MARCHF1: variants seen among roughly 807,000 people sequenced by gnomAD.
MARCHF1 encodes the protein E3 ubiquitin-protein ligase MARCHF1.
A neutral mutation model predicts 54.2 loss-of-function variants in MARCHF1; 40 were observed. The ratio of observed to expected loss-of-function variants is 0.74; its 90% CI spans 0.57 to 0.96. MARCHF1 has a LOEUF of 0.96. MARCHF1 is among the 40% of genes least tolerant of loss of function. The probability of loss-of-function intolerance (pLI) is 0.00; values close to 1 mark genes in which losing one functional copy is unlikely to be tolerated. For missense variants in MARCHF1, 586 were observed against 656.5 expected (o/e 0.89, Z 1.17); for synonymous variants, 236 against 236.3 (o/e 1.00, Z 0.01).
At chr4:163,597,880 A>AGTTGTAACACAACGATAAG (rs1740827137) in intron 7 of MARCHF1, among the ~76,000 whole-genome samples, 1 of 152,168 alleles carries the variant, frequency 6.6e-6, no homozygotes, top group Non-Finnish European at 1.5e-5. Context: ...ACTGTCCTTC[A>AGTTGTAACACAACGATAAG]TATTTTTACA....
intron 5 of MARCHF1, among the ~76,000 whole-genome samples, chr4:163,690,812 A>C (rs575202141): frequency 3.3e-5 from 5 of 152,338 alleles, no homozygotes; most frequent in Non-Finnish European, 7.3e-5. Flanking sequence ...GGCTCCTATC[A>C]TAAGAAGCTC....
chr4:164,247,535 C>T (rs1220607522), intron 1 of MARCHF1, among the ~76,000 whole-genome samples: 8 of 149,306 alleles, frequency 5.4e-5, no homozygotes, highest in Non-Finnish European at 1.0e-4. Flanking sequence ...TGCAGTGCAC[C>T]AGCATGGCAC....
intron 4 of MARCHF1, among the ~76,000 whole-genome samples, chr4:163,851,137 G>A (rs1444325856): frequency 2.0e-5 from 3 of 151,338 alleles, no homozygotes; most frequent in Non-Finnish European, 2.9e-5. Flanking sequence ...TCCCCAAACA[G>A]GAAAAAAAAA....
At chr4:164,014,643 G>A (rs1239584172) in intron 2 of MARCHF1, among the ~76,000 whole-genome samples, 1 of 151,988 alleles carries the variant, frequency 6.6e-6, no homozygotes, top group Non-Finnish European at 1.5e-5. Flanking sequence ...ATGCTTACAA[G>A]AAACTCACTT....
At chr4:164,333,902 TA>T in intron 1 of MARCHF1, among the ~76,000 whole-genome samples, 1 of 152,238 alleles carries the variant, frequency 6.6e-6, no homozygotes, top group South Asian at 2.1e-4. Flanking sequence ...GATAAGAAGG[TA>T]AAACAGTCTT....
chr4:163,827,797 T>C (rs531785264), intron 4 of MARCHF1, among the ~76,000 whole-genome samples: 1 of 152,282 alleles, frequency 6.6e-6, no homozygotes, highest in African/African-American at 2.4e-5. Flanking sequence ...TGAAGTTGAA[T>C]GGACCATGCA....
intron 4 of MARCHF1, among the ~76,000 whole-genome samples, chr4:163,800,788 A>C (rs13127487): frequency 0.98 from 148,669 of 152,134 alleles, 72,704 homozygotes; most frequent in Non-Finnish European, 1. Flanking sequence ...CAAGAGGAAA[A>C]TGCAAACCTT....
At chr4:164,095,141 G>T (rs2111141600) in intron 2 of MARCHF1, among the ~76,000 whole-genome samples, 1 of 152,158 alleles carries the variant, frequency 6.6e-6, no homozygotes, top group South Asian at 2.1e-4. Context: ...ACAGAAGTAT[G>T]AGAGGTCTCC....
chr4:164,382,272 C>T (rs146360025), intron 1 of MARCHF1, among the ~76,000 whole-genome samples: 1,567 of 152,170 alleles, frequency 0.01, 22 homozygotes, highest in African/African-American at 0.036. Context: ...AAAATTATTT[C>T]AATCCTGTTT....
At chr4:164,022,599 G>C (rs1456203964) in intron 2 of MARCHF1, among the ~76,000 whole-genome samples, 1 of 152,218 alleles carries the variant, frequency 6.6e-6, no homozygotes, top group Non-Finnish European at 1.5e-5. Flanking sequence ...ATTTGAACTG[G>C]CAAAAAGATC....
At chr4:164,020,952 C>A (rs1387651252) in intron 2 of MARCHF1, among the ~76,000 whole-genome samples, 1 of 151,990 alleles carries the variant, frequency 6.6e-6, no homozygotes, top group Non-Finnish European at 1.5e-5. Flanking sequence ...TGTATTTTGT[C>A]TGTGTAGGAA....
At chr4:163,967,937 T>A (rs1257155627) in intron 3 of MARCHF1, among the ~76,000 whole-genome samples, 2 of 152,146 alleles carry the variant, frequency 1.3e-5, no homozygotes, top group Non-Finnish European at 2.9e-5. Flanking sequence ...ACATTATGAG[T>A]GCAATCTGCT....
At chr4:163,929,973 A>AATATATTATATATAATATAT (rs1560823848) in intron 3 of MARCHF1, among the ~76,000 whole-genome samples, 9 of 125,380 alleles carry the variant, frequency 7.2e-5, no homozygotes, top group African/African-American at 2.8e-4. Context: ...AATATATATA[A>AATATATTATATATAATATAT]TATATATAAT....
chr4:164,165,191 G>T (rs1298230130), intron 1 of MARCHF1, among the ~76,000 whole-genome samples: 2 of 152,002 alleles, frequency 1.3e-5, no homozygotes, highest in African/African-American at 4.8e-5. Flanking sequence ...ATCTATTGTT[G>T]TGGACTGAAT....
intron 4 of MARCHF1, among the ~76,000 whole-genome samples, chr4:163,803,026 C>T (rs1189841095): frequency 1.3e-5 from 2 of 152,128 alleles, no homozygotes; most frequent in Non-Finnish European, 2.9e-5. Context: ...CTCTGACTCC[C>T]TATATATTTA....
chr4:163,666,491 G>C (rs1743537725), intron 5 of MARCHF1, among the ~76,000 whole-genome samples: 2 of 152,054 alleles, frequency 1.3e-5, no homozygotes, highest in African/African-American at 2.4e-5. Flanking sequence ...TTATTATCCA[G>C]AATTTTTTAA....
In MARCHF1 at chr4:164,249,324, A is replaced by G. The variant is rs114471589; in HGVS notation, c.-323+134546T>C. On this transcript the variant is annotated intron_variant, in intron 1 of 9. Transcript: ENST00000514618. ...GGAAGGCTCTGAGCTGTACCTTCAA[A>G]ATATAGGTTTGATTTTTGATGTATG... Among the ~76,000 whole-genome samples the G allele has an allele frequency of 5.8e-3, 888 of 152,206 alleles. 5 individuals carry two copies. The highest frequency in any genetic ancestry group is 0.02 in the African/African-American group (826 of 41,552).
At chr4:163,716,648 C>A (rs1745266643) in intron 4 of MARCHF1, among the ~76,000 whole-genome samples, 1 of 152,106 alleles carries the variant, frequency 6.6e-6, no homozygotes, top group South Asian at 2.1e-4. Context: ...AGCTCCACAC[C>A]CATGATTGGT....
chr4:163,552,283 G>A (rs776663632), intron 8 of MARCHF1, among the ~76,000 whole-genome samples: 5 of 152,156 alleles, frequency 3.3e-5, no homozygotes, highest in Non-Finnish European at 7.3e-5. Context: ...GTGAGGAATG[G>A]GCCATGTGTC....
Sources: allele counts gnomAD v4.1 joint callset (sites outside exome capture counted in the v4.1 genomes callset), GRCh38; gene constraint gnomAD v4.1.1; transcripts MANE v1.5; gene names NCBI Gene and HGNC (gene_info 2026-07-23, HGNC 2026-07-21).